Variants in TTYH3 observed in about 807,000 individuals in gnomAD.
The protein encoded by TTYH3 is tweety family member 3.
A neutral mutation model predicts 68.2 loss-of-function variants in TTYH3; 23 were observed. The ratio of observed to expected loss-of-function variants is 0.34; its 90% CI spans 0.24 to 0.48. The LOEUF is 0.48. Ranked by LOEUF, TTYH3 falls within the 20% of genes least tolerant of loss-of-function variation. TTYH3 has a pLI of 0.99. For synonymous variants in TTYH3, 360 were observed against 332.8 expected (o/e 1.08, Z -0.89); for missense variants, 768 against 727.7 (o/e 1.06, Z -0.64).
chr7:2,634,681 C>G (rs908376791), intron 1 of TTYH3, among the ~76,000 whole-genome samples: 1 of 152,130 alleles, frequency 6.6e-6, no homozygotes, highest in Non-Finnish European at 1.5e-5. Context: ...CCTGGTGAAA[C>G]CCCCGGAGGG....
chr7:2,654,862 G>A (rs1486685486), intron 9 of TTYH3, among the ~76,000 whole-genome samples: 3 of 152,076 alleles, frequency 2.0e-5, no homozygotes, highest in Non-Finnish European at 4.4e-5. Flanking sequence ...TCGGCTCACC[G>A]CAACCTCTGC....
chr7:2,657,729 C>T (rs938049043), intron 11 of TTYH3, among the ~76,000 whole-genome samples: 12 of 152,210 alleles, frequency 7.9e-5, no homozygotes, highest in Non-Finnish European at 1.8e-4. Context: ...GTGGCCCCTG[C>T]GCAGCCAAAA....
chr7:2,640,329 G>A (rs1326482705), intron 1 of TTYH3, among the ~76,000 whole-genome samples: 1 of 152,206 alleles, frequency 6.6e-6, no homozygotes, highest in Non-Finnish European at 1.5e-5. Context: ...CGGCGTGTGG[G>A]TCCGTGGCGC....
At position 2,647,516 on chromosome 7, in the gene TTYH3, A is replaced by T; in HGVS notation, c.504A>T (p.Val168=). The T allele has an allele frequency of 6.5e-7, 1 of 1,546,784 alleles. No homozygotes were observed. The change falls in exon 4 of 14, where the codon GTA becomes GTT. Residue 168 remains valine (V), a synonymous_variant. Transcript: ENST00000258796. ...GGCGGCCCGAGCCCCTGCGAGCCGT[A>T]CAGAGGCTGCAGGGCCTGCTGGAGA... ...LAGRPEPLRA[V]QRLQGLLETL... is the part of the protein sequence containing the mutation.
At chr7:2,643,121 C>G (rs932657658) in intron 1 of TTYH3, among the ~76,000 whole-genome samples, 1 of 150,530 alleles carries the variant, frequency 6.6e-6, no homozygotes, top group Non-Finnish European at 1.5e-5. Context: ...TTTGGGAGGC[C>G]GAGGCGGGCA....
chr7:2,649,508 G>C, intron 5 of TTYH3, 59 bp from the exon 6 acceptor site: 36 of 1,508,240 alleles, frequency 2.4e-5, no homozygotes, highest in Non-Finnish European at 3.1e-5. Context: ...CTGCAGCCCA[G>C]CAGGTGGCAC....
rs1786119759 is a variant in TTYH3 at position 2,649,937 on chromosome 7, C to T, written c.820C>T (p.Pro274Ser). The T allele has an allele frequency of 6.2e-7, 1 of 1,613,968 alleles. No individual in the cohort carries two copies. The highest frequency in any genetic ancestry group is 8.5e-7 in the Non-Finnish European group (1 of 1,179,962). ...GGGCTCCAGCGACTTCTGTGTGGAC[C>T]CTGACGCCTACGTGACCAAAATGGT... is the stretch of plus-strand genomic sequence containing the variant. ...SVGSSDFCVD[P>S]DAYVTKMVEE... Residue 274 changes from proline to serine, a missense_variant, in exon 7 of 14, where the codon CCT becomes TCT. Transcript: ENST00000258796.
chr7:2,656,280 G>A, intron 10 of TTYH3, 96 bp downstream of exon 10: 2 of 1,563,630 alleles, frequency 1.3e-6, no homozygotes, highest in South Asian at 1.1e-5. Flanking sequence ...GCAGACAGTG[G>A]GTCCTCAGCC....
At chr7:2,658,493 C>T in intron 12 of TTYH3, 34 bp downstream of exon 12, 1 of 1,582,592 alleles carries the variant, frequency 6.3e-7, no homozygotes, top group South Asian at 1.1e-5. Flanking sequence ...GGCCAGCGGA[C>T]ACGTCAGCTG....
At position 2,646,855 on chromosome 7, in the gene TTYH3, C is replaced by T; in HGVS notation, c.126C>T (p.Ala42=). 2 of 1,594,476 alleles carry T rather than the reference C, an allele frequency of 1.3e-6. No homozygotes were observed. Among genetic ancestry groups the T allele is most frequent in the Non-Finnish European group, 8.5e-7 (1 of 1,177,888 alleles). Residue 42 remains alanine (A), a splice_region_variant and synonymous_variant, in exon 2 of 14, where the codon GCC becomes GCT. Transcript: ENST00000258796. ...CGCCGCTTCCTGCCTGCCCTCAGGC[C>T]CTGCTGCTCCTGGGGGCCGCCGCCC... The part of the protein sequence containing the change: ...FRPEDTDYQQ[A]LLLLGAAALA...
intron 3 of TTYH3, 45 bp from the exon 4 acceptor site, chr7:2,647,373 C>A: frequency 6.8e-7 from 1 of 1,460,860 alleles, no homozygotes; most frequent in Non-Finnish European, 9.0e-7. Context: ...GACTCTGGGG[C>A]GAGGCGGGCG....
Position 2,640,288 on chromosome 7 carries a change from C to T in TTYH3, c.124-6565C>T, listed in dbSNP as rs954589311. Reference sequence around the variant, plus strand: ...AGGGCCTCCTCAGCCCAGCCACGCGCCACGGTAGCCCACAGGTTGGTGGCA... The same window carrying T: ...AGGGCCTCCTCAGCCCAGCCACGCGTCACGGTAGCCCACAGGTTGGTGGCA... On this transcript the variant is annotated intron_variant, in intron 1 of 13. Coordinates refer to ENST00000258796, the MANE Select transcript of TTYH3 (RefSeq NM_025250.3). 7.2e-5 allele frequency among the ~76,000 whole-genome samples: 11 copies of T among 152,248 alleles called. No individual in the cohort carries two copies. In the East Asian group the frequency reaches 1.7e-3, roughly 24 times the overall value.
chr7:2,650,555 G>A (rs1431508559), intron 7 of TTYH3, among the ~76,000 whole-genome samples: 1 of 151,962 alleles, frequency 6.6e-6, no homozygotes, highest in Non-Finnish European at 1.5e-5. Flanking sequence ...TCCAGCCTGG[G>A]CAACAAGAGT....
rs1583563017 is a variant in TTYH3, at chr7:2,645,528, C to T, written c.124-1325C>T. On this transcript the variant is annotated intron_variant, in intron 1 of 13. Transcript: ENST00000258796. This position sits in a 1 kb window ranked among gnomAD's most constrained non-coding sequence, Gnocchi z 4.8. The stretch of plus-strand genomic sequence containing the variant: ...GGAGCTCTGGTGTCTGTTCTGTGGT[C>T]TGTCTTTTGTGTTCAGAGACCTGGG... The T allele has an allele frequency of 7.2e-6, 2 of 278,268 alleles. No homozygotes were observed. The highest frequency in any genetic ancestry group is 1.3e-3 in the Middle Eastern group (1 of 742). 17.2% of individuals were successfully genotyped at this position (278,268 alleles called of 1,614,324 possible). A position where few individuals can be genotyped will look rare whatever the true frequency, so the allele number is the denominator to read the frequency against.
rs1447635355 is a variant in TTYH3 at position 2,661,749 on chromosome 7, G to A, written c.*10G>A. ...CAGCGGCAGCCACTAGACCGCGCCCGGCAGCCACCCACCCCACGTGCCAAC... is the reference window on the plus strand; with the variant it reads ...CAGCGGCAGCCACTAGACCGCGCCCAGCAGCCACCCACCCCACGTGCCAAC... On this transcript the variant is annotated 3_prime_UTR_variant, in exon 14 of 14. Coordinates refer to ENST00000258796, the MANE Select transcript of TTYH3 (RefSeq NM_025250.3). 15 of 1,607,958 alleles carry A rather than the reference G, an allele frequency of 9.3e-6. No homozygotes were observed. In the East Asian group the frequency reaches 1.1e-4, roughly 12 times the overall value.
chr7:2,646,862 C>CT lies in TTYH3; in HGVS notation c.134dup (p.Leu46ProfsTer68), dbSNP rs1785998754. The CT allele has an allele frequency of 6.3e-7, 1 of 1,595,578 alleles. No individual in the cohort carries two copies. The highest frequency in any genetic ancestry group is 1.3e-5 in the African/African-American group (1 of 74,854). ...TCCTGCCTGCCCTCAGGCCCTGCTG[C>CT]TCCTGGGGGCCGCCGCCCTGGCCTG... On this transcript the variant is annotated frameshift_variant, in exon 2 of 14. Transcript: ENST00000258796. LOFTEE classifies it high-confidence loss of function.
At chr7:2,657,097 A>C (rs1350122176) in intron 11 of TTYH3, among the ~76,000 whole-genome samples, 2 of 152,068 alleles carry the variant, frequency 1.3e-5, no homozygotes, top group Non-Finnish European at 2.9e-5. Flanking sequence ...CCCATTCAGT[A>C]CTGGTTTGAG....
chr7:2,647,204 C>A lies in TTYH3; in HGVS notation c.356C>A (p.Thr119Asn). 1 of 1,605,200 alleles carries A rather than the reference C, an allele frequency of 6.2e-7. No homozygotes were observed. The highest frequency in any genetic ancestry group is 8.5e-7 in the Non-Finnish European group (1 of 1,177,714). Residue 119 changes from threonine (T) to asparagine (N), a missense_variant, in exon 3 of 14, where the codon ACC becomes AAC. By Grantham distance (65) the Thr-to-Asn change is moderately conservative. Coordinates refer to ENST00000258796, the MANE Select transcript of TTYH3 (RefSeq NM_025250.3). ...ACCAGTGATGGCATCCATAGGGCCA[C>A]CTACTCGCTCCGCCACGCCAACCGC... The part of the protein sequence containing the change: ...GETSDGIHRA[T>N]YSLRHANRTV...
At chr7:2,660,444 A>G in intron 13 of TTYH3, 1 of 985,350 alleles carries the variant, frequency 1.0e-6, no homozygotes, top group Non-Finnish European at 1.2e-6. Context: ...GGGCGTGCAC[A>G]CGGACAGGCA....
Sources: gnomAD v4.1 joint callset for allele counts (sites outside exome capture counted in the v4.1 genomes callset) on GRCh38, gnomAD v4.1.1 for gene constraint, Gnocchi (gnomAD v3.1) non-coding constraint, MANE v1.5 for transcripts, NCBI Gene and HGNC (gene_info 2026-07-23, HGNC 2026-07-21) for gene names.